Variants in PPP6C observed in about 807,000 individuals in gnomAD.
PPP6C encodes the protein serine/threonine-protein phosphatase 6 catalytic subunit.
PPP6C carries 11 observed loss-of-function variants against 39.8 expected under a neutral mutation model. The observed-to-expected ratio is 0.28, with a 90% confidence interval of 0.17 to 0.46. PPP6C has a LOEUF of 0.46. PPP6C is among the 20% of genes least tolerant of loss of function. PPP6C has a pLI of 1.00. For missense variants in PPP6C, 211 were observed against 373.9 expected (o/e 0.56, Z 3.59); for synonymous variants, 129 against 130.3 (o/e 0.99, Z 0.07).
At position 125,149,187 on chromosome 9, in the gene PPP6C, A is replaced by G. The variant is rs1835877843; in HGVS notation, c.*486T>C. On this transcript the variant is annotated 3_prime_UTR_variant, in exon 7 of 7. Coordinates refer to ENST00000373547, the MANE Select transcript of PPP6C (RefSeq NM_002721.5). ...AATATCATCCAACAAAGGACAATGA[A>G]GTTTACATCTGGGACAGGTATACAT... The G allele has an allele frequency of 6.6e-6, 1 of 152,634 alleles. No homozygotes were observed. Among genetic ancestry groups the G allele is most frequent in the Admixed American group, 6.5e-5 (1 of 15,306 alleles). The allele number at this position is 152,634 out of a possible 1,614,324, so 9.5% of individuals were successfully genotyped here.
chr9:125,178,513 C>T (rs1329375268), intron 1 of PPP6C, among the ~76,000 whole-genome samples: 1 of 152,012 alleles, frequency 6.6e-6, no homozygotes, highest in Non-Finnish European at 1.5e-5. Flanking sequence ...TTATATCTTA[C>T]TAATATTCTT....
Position 125,189,786 on chromosome 9 carries a change from G to A in PPP6C, c.-68C>T, listed in dbSNP as rs570902968. On this transcript the variant is annotated 5_prime_UTR_variant, in exon 1 of 7. Coordinates refer to ENST00000373547, the MANE Select transcript of PPP6C (RefSeq NM_002721.5). ...TAGCAGCGGCGGCGGCAGCGGCGGA[G>A]GCCGAAGCCGGAACTTTCCCTGCGT... 103 of 1,515,720 alleles carry A rather than the reference G, an allele frequency of 6.8e-5. No individual in the cohort carries two copies. The South Asian group carries it at 1.1e-3, about 17-fold the overall frequency. The allele number at this position is 1,515,720 out of a possible 1,614,324, so 93.9% of individuals were successfully genotyped here. A position where few individuals can be genotyped will look rare whatever the true frequency, so the allele number is the denominator to read the frequency against.
chr9:125,188,614 C>T lies in PPP6C; in HGVS notation c.75+1030G>A, dbSNP rs574973017. Among the ~76,000 whole-genome samples, 4 of 151,980 alleles carry T rather than the reference C, an allele frequency of 2.6e-5. No homozygotes were observed. In the South Asian group the frequency reaches 8.3e-4, roughly 32 times the overall value. On this transcript the variant is annotated intron_variant, in intron 1 of 6. Coordinates refer to ENST00000373547, the MANE Select transcript of PPP6C (RefSeq NM_002721.5). ...CAGCCTGGCCAACATGGCGAAACCC[C>T]GTCTCTACTAAAAATACAAAACAGC... is the stretch of plus-strand genomic sequence containing the variant.
intron 1 of PPP6C, among the ~76,000 whole-genome samples, chr9:125,187,107 C>T (rs1027408334): frequency 6.6e-6 from 1 of 150,762 alleles, no homozygotes; most frequent in Admixed American, 6.6e-5. Flanking sequence ...CCACCACCTC[C>T]AGTTTATTTT....
chr9:125,188,407 C>T (rs923155803), intron 1 of PPP6C, among the ~76,000 whole-genome samples: 4 of 151,532 alleles, frequency 2.6e-5, no homozygotes, highest in Admixed American at 6.6e-5. Flanking sequence ...TACACTGAGT[C>T]GGTTAAATAC....
Position 125,152,352 on chromosome 9 carries a change from C to A in PPP6C, c.669+1181G>T, listed in dbSNP as rs561823869. On this transcript the variant is annotated intron_variant, in intron 6 of 6. Transcript: ENST00000373547. ...GCAAATGTGCTTCCTGCTATGTAATCGCTAACATTCACATTACATGATTTG... is the reference window on the plus strand; with the variant it reads ...GCAAATGTGCTTCCTGCTATGTAATAGCTAACATTCACATTACATGATTTG... 4.6e-5 allele frequency among the ~76,000 whole-genome samples: 7 copies of A among 152,258 alleles called. No homozygotes were observed. In the South Asian group the frequency reaches 1.5e-3, roughly 32 times the overall value.
chr9:125,153,431 T>C, intron 6 of PPP6C, 102 bp downstream of exon 6: 1 of 1,071,416 alleles, frequency 9.3e-7, no homozygotes, highest in East Asian at 2.6e-5. Flanking sequence ...CCACCATATT[T>C]TGAGTAAGCT....
chr9:125,150,522 C>A, intron 6 of PPP6C: 1 of 449,936 alleles, frequency 2.2e-6, no homozygotes, highest in Non-Finnish European at 4.4e-6. Flanking sequence ...CAAAGTACTG[C>A]CTATCTTGAA....
chr9:125,176,811 TAGAAAATAG>T (rs1461409797), intron 1 of PPP6C, among the ~76,000 whole-genome samples: 1 of 152,050 alleles, frequency 6.6e-6, no homozygotes. Flanking sequence ...GTAGTAGAAG[TAGAAAATAG>T]GGAAAATAGA....
At chr9:125,178,074 T>C (rs1376861385) in intron 1 of PPP6C, among the ~76,000 whole-genome samples, 3 of 152,238 alleles carry the variant, frequency 2.0e-5, no homozygotes, top group Non-Finnish European at 4.4e-5. Flanking sequence ...CTTGGTTCCT[T>C]CCAAGTTTTG....
chr9:125,187,692 A>G (rs1206265977), intron 1 of PPP6C, among the ~76,000 whole-genome samples: 1 of 151,898 alleles, frequency 6.6e-6, no homozygotes, highest in Non-Finnish European at 1.5e-5. Context: ...GCAATAGTCA[A>G]CCTCACCTAT....
At chr9:125,178,174 C>T (rs1353557181) in intron 1 of PPP6C, among the ~76,000 whole-genome samples, 1 of 152,176 alleles carries the variant, frequency 6.6e-6, no homozygotes, top group Non-Finnish European at 1.5e-5. Context: ...TATCAAGGAG[C>T]AGGACTGCTG....
At chr9:125,155,897 T>G (rs1171996923) in intron 4 of PPP6C, among the ~76,000 whole-genome samples, 1 of 124,754 alleles carries the variant, frequency 8.0e-6, no homozygotes, top group Non-Finnish European at 1.6e-5. Flanking sequence ...AGAGCGAGAC[T>G]CCGTCTCAAA....
At chr9:125,173,429 A>AG (rs1829219208) in intron 1 of PPP6C, among the ~76,000 whole-genome samples, 1 of 136,384 alleles carries the variant, frequency 7.3e-6, no homozygotes, top group South Asian at 2.4e-4. Flanking sequence ...AAAAAAAAAA[A>AG]GTAGCCAGGC....
At chr9:125,187,489 G>A (rs887149512) in intron 1 of PPP6C, among the ~76,000 whole-genome samples, 2 of 151,668 alleles carry the variant, frequency 1.3e-5, no homozygotes, top group South Asian at 2.1e-4. Flanking sequence ...TCACCAAGTC[G>A]GTCAGTCTGG....
chr9:125,181,271 TA>T (rs1192377706), intron 1 of PPP6C, among the ~76,000 whole-genome samples: 12 of 152,196 alleles, frequency 7.9e-5, no homozygotes, highest in Admixed American at 3.3e-4. Context: ...TAGGGTAAAC[TA>T]TACCCCTTTC....
chr9:125,180,874 C>T (rs1829407277), intron 1 of PPP6C, among the ~76,000 whole-genome samples: 1 of 152,112 alleles, frequency 6.6e-6, no homozygotes, highest in African/African-American at 2.4e-5. Flanking sequence ...TGAAGAACAT[C>T]GCTGTGAAAC....
chr9:125,182,264 A>T (rs1218623827), intron 1 of PPP6C, among the ~76,000 whole-genome samples: 1 of 152,148 alleles, frequency 6.6e-6, no homozygotes. Context: ...TTACTTGTTT[A>T]GTTGATCTTG....
intron 3 of PPP6C, among the ~76,000 whole-genome samples, chr9:125,160,313 GCTTA>G (rs1564149039): frequency 1.3e-5 from 2 of 152,252 alleles, no homozygotes; most frequent in Non-Finnish European, 2.9e-5. Flanking sequence ...ATCTACAGTG[GCTTA>G]CTAAGGCAAT....
Sources: gnomAD v4.1 joint callset for allele counts (sites outside exome capture counted in the v4.1 genomes callset) on GRCh38, gnomAD v4.1.1 for gene constraint, MANE v1.5 for transcripts, NCBI Gene and HGNC (gene_info 2026-07-23, HGNC 2026-07-21) for gene names.